KCNMA1: variants seen among roughly 807,000 people sequenced by gnomAD.
The protein encoded by KCNMA1 is Calcium-activated potassium channel subunit alpha-1.
A neutral mutation model predicts 140.0 loss-of-function variants in KCNMA1; 29 were observed. That is an observed-to-expected ratio of 0.21 (90% CI 0.15 to 0.28). KCNMA1 has a LOEUF of 0.28. KCNMA1 is among the 10% of genes least tolerant of loss of function. The pLI, the probability that KCNMA1 is intolerant of heterozygous loss-of-function variation, is 1.00. For missense variants in KCNMA1, 880 were observed against 1,602.2 expected, an observed-to-expected ratio of 0.55 and a Z score of 7.70; for synonymous variants, 612 against 611.9, an observed-to-expected ratio of 1.00 and a Z score of 0.00.
chr10:77,107,058 C>T (rs908891069), intron 9 of KCNMA1, among the ~76,000 whole-genome samples: 1 of 152,164 alleles, frequency 6.6e-6, no homozygotes, highest in Non-Finnish European at 1.5e-5. Context: ...TGTGCAGAGG[C>T]CTGGACACCT....
At chr10:77,040,812 C>G (rs1003604483) in intron 14 of KCNMA1, among the ~76,000 whole-genome samples, 26 of 152,166 alleles carry the variant, frequency 1.7e-4, no homozygotes, top group African/African-American at 6.0e-4. Context: ...TCAGAGATGT[C>G]TTGCTCCAAA....
chr10:77,134,228 C>T (rs868175660), intron 5 of KCNMA1, among the ~76,000 whole-genome samples: 4 of 152,012 alleles, frequency 2.6e-5, no homozygotes, highest in Non-Finnish European at 4.4e-5. Flanking sequence ...TCTGCCACCA[C>T]CATAAAAACG....
chr10:77,484,107 C>A (rs1603628421), intron 1 of KCNMA1, among the ~76,000 whole-genome samples: 2 of 152,210 alleles, frequency 1.3e-5, no homozygotes, highest in South Asian at 2.1e-4. Flanking sequence ...TGGCTTTTTT[C>A]TCCTCTCTCA....
chr10:77,368,794 A>C (rs546175534), intron 2 of KCNMA1, among the ~76,000 whole-genome samples: 1 of 151,930 alleles, frequency 6.6e-6, no homozygotes, highest in Non-Finnish European at 1.5e-5. Flanking sequence ...TGTAGAAAAG[A>C]CTCCTTCTCC....
chr10:77,487,542 C>T, intron 1 of KCNMA1, among the ~76,000 whole-genome samples: 1 of 152,216 alleles, frequency 6.6e-6, no homozygotes, highest in South Asian at 2.1e-4. Context: ...CTTACCACAC[C>T]CCCATTGCAC....
chr10:77,142,181 C>G (rs2098188884), intron 5 of KCNMA1, among the ~76,000 whole-genome samples: 1 of 152,012 alleles, frequency 6.6e-6, no homozygotes, highest in Non-Finnish European at 1.5e-5. Flanking sequence ...TTCTGGCTAA[C>G]ACGGTGAAAC....
At chr10:76,906,536 A>G (rs2047896842) in intron 25 of KCNMA1, among the ~76,000 whole-genome samples, 1 of 152,238 alleles carries the variant, frequency 6.6e-6, no homozygotes, top group Non-Finnish European at 1.5e-5. Context: ...GTTATGAAGG[A>G]CAATATTCAG....
At chr10:76,977,427 A>G in intron 19 of KCNMA1, 1 of 631,764 alleles carries the variant, frequency 1.6e-6, no homozygotes, top group Non-Finnish European at 2.8e-6. Context: ...ATCAGACCAT[A>G]GCCACAGTTG....
At chr10:77,277,855 G>A (rs1178439235) in intron 2 of KCNMA1, among the ~76,000 whole-genome samples, 2 of 152,206 alleles carry the variant, frequency 1.3e-5, no homozygotes, top group Admixed American at 6.5e-5. Flanking sequence ...GAAGTCTGCA[G>A]TTACGCCTTT....
chr10:77,492,563 A>C (rs755172920), intron 1 of KCNMA1, among the ~76,000 whole-genome samples: 11 of 152,192 alleles, frequency 7.2e-5, no homozygotes, highest in Non-Finnish European at 1.5e-4. Context: ...AGATGATGAA[A>C]TGGAGGTATA....
chr10:76,972,830 C>T (rs1051969391), intron 19 of KCNMA1, among the ~76,000 whole-genome samples: 1 of 152,066 alleles, frequency 6.6e-6, no homozygotes, highest in Admixed American at 6.5e-5. Flanking sequence ...GGCTTAGGTC[C>T]CTCAAGAGAA....
At chr10:77,514,176 G>A (rs111638759) in intron 1 of KCNMA1, among the ~76,000 whole-genome samples, 1 of 152,230 alleles carries the variant, frequency 6.6e-6, no homozygotes, top group East Asian at 1.9e-4. Flanking sequence ...CCTTACTCAG[G>A]GTCCCGAGGG....
At chr10:77,391,687 A>G (rs758120851) in intron 2 of KCNMA1, among the ~76,000 whole-genome samples, 3 of 151,928 alleles carry the variant, frequency 2.0e-5, no homozygotes, top group Non-Finnish European at 4.4e-5. Flanking sequence ...AGAGTCTAAA[A>G]ATGAGGCTTT....
chr10:76,895,399 T>C (rs968242484), intron 25 of KCNMA1, among the ~76,000 whole-genome samples: 15 of 152,200 alleles, frequency 9.9e-5, no homozygotes, highest in African/African-American at 3.4e-4. Flanking sequence ...TGTTTGAACA[T>C]TGTGTTGCTA....
intron 2 of KCNMA1, among the ~76,000 whole-genome samples, chr10:77,265,219 G>C (rs1565591847): frequency 6.6e-6 from 1 of 152,018 alleles, no homozygotes; most frequent in Admixed American, 6.6e-5. Context: ...GCCCAGCTAA[G>C]TTTTGTATTT....
chr10:77,033,330 T>C lies in KCNMA1; in HGVS notation c.1860-5439A>G, dbSNP rs1402772287. ...AAAGAGAAGTGATTTAAAATGTTCA[T>C]GGAAATGTTAAGACTCTTTTTCTCT... On this transcript the variant is annotated intron_variant, in intron 15 of 27. Coordinates refer to ENST00000286628, the MANE Select transcript of KCNMA1 (RefSeq NM_001161352.2). Among the ~76,000 whole-genome samples, 4 of 152,150 alleles carry C rather than the reference T, an allele frequency of 2.6e-5. No individual in the cohort carries two copies. In the East Asian group the frequency reaches 7.7e-4, roughly 29 times the overall value.
chr10:77,556,024 A>C (rs1302801735), intron 1 of KCNMA1, among the ~76,000 whole-genome samples: 2 of 152,254 alleles, frequency 1.3e-5, no homozygotes, highest in African/African-American at 4.8e-5. Context: ...AGAGGATGGC[A>C]TAAGAATCGA....
At chr10:77,446,088 C>G (rs890459888) in intron 1 of KCNMA1, among the ~76,000 whole-genome samples, 1 of 96,252 alleles carries the variant, frequency 1.0e-5, no homozygotes, top group Non-Finnish European at 2.3e-5. Flanking sequence ...TGAAACCTCT[C>G]TCCCTGAAAC....
chr10:77,143,454 A>G (rs1597068372), intron 5 of KCNMA1, among the ~76,000 whole-genome samples: 1 of 152,170 alleles, frequency 6.6e-6, no homozygotes, highest in Admixed American at 6.5e-5. Flanking sequence ...TATACAATCA[A>G]TTGATTTACA....
Sources: allele counts gnomAD v4.1 joint callset (sites outside exome capture counted in the v4.1 genomes callset), GRCh38; gene constraint gnomAD v4.1.1; transcripts MANE v1.5; gene names NCBI Gene and HGNC (gene_info 2026-07-23, HGNC 2026-07-21).